The following CAMTA1 variants were observed in gnomAD, a reference collection of about 807,000 sequenced individuals.
The protein encoded by CAMTA1 is calmodulin-binding transcription activator 1.
CAMTA1 carries 27 observed loss-of-function variants against 170.9 expected under a neutral mutation model. The ratio of observed to expected loss-of-function variants is 0.16; its 90% confidence interval spans 0.12 to 0.22. The LOEUF is 0.22. CAMTA1 is among the 10% of genes least tolerant of loss of function. CAMTA1 has a pLI of 1.00. For missense variants in CAMTA1, 1,619 were observed against 2,217.2 expected, an observed-to-expected ratio of 0.73 and a Z score of 5.42; for synonymous variants, 833 against 891.5, an observed-to-expected ratio of 0.93 and a Z score of 1.17.
Position 7,235,200 on chromosome 1 carries a change from C to T in CAMTA1, c.303-14291C>T, listed in dbSNP as rs1663591274. On this transcript the variant is annotated intron_variant, in intron 4 of 22. Transcript: ENST00000303635. Reference sequence around the variant, plus strand: ...CCTTAGAGATGGAATCTAGGTGTGTCCCGACCCGCCAGGTTCTCCTCTTGC... The same window carrying T: ...CCTTAGAGATGGAATCTAGGTGTGTTCCGACCCGCCAGGTTCTCCTCTTGC... Among the ~76,000 whole-genome samples, 4 of 152,268 alleles carry T rather than the reference C, an allele frequency of 2.6e-5. No individual in the cohort carries two copies. The Middle Eastern group carries it at 0.01, about 388-fold the overall frequency.
chr1:6,946,484 A>G (rs12134815), intron 3 of CAMTA1, among the ~76,000 whole-genome samples: 80,023 of 151,996 alleles, frequency 0.53, 21,795 homozygotes, highest in Non-Finnish European at 0.61. Flanking sequence ...AAGCCATCTT[A>G]ACTAGACCTA....
At chr1:7,005,081 T>A (rs1256562598) in intron 3 of CAMTA1, among the ~76,000 whole-genome samples, 2 of 152,240 alleles carry the variant, frequency 1.3e-5, no homozygotes, top group Non-Finnish European at 2.9e-5. Context: ...CTCAAAGTTT[T>A]TTAGTTTGAA....
chr1:7,411,213 G>A (rs1225893667), intron 5 of CAMTA1, among the ~76,000 whole-genome samples: 11 of 152,110 alleles, frequency 7.2e-5, no homozygotes, highest in Admixed American at 2.0e-4. Context: ...GGGCCGCGTC[G>A]GACCCTGGGA....
chr1:7,154,071 G>T (rs563182960), intron 4 of CAMTA1, among the ~76,000 whole-genome samples: 1 of 152,204 alleles, frequency 6.6e-6, no homozygotes, highest in Non-Finnish European at 1.5e-5. Flanking sequence ...AGTGCCTGTG[G>T]CAAGCCATTG....
intron 5 of CAMTA1, among the ~76,000 whole-genome samples, chr1:7,287,898 T>G (rs918273485): frequency 6.6e-6 from 1 of 152,150 alleles, no homozygotes; most frequent in Non-Finnish European, 1.5e-5. Flanking sequence ...CATACATCAA[T>G]TTTACCTTCA....
intron 6 of CAMTA1, among the ~76,000 whole-genome samples, chr1:7,600,767 C>G (rs1180439679): frequency 6.6e-6 from 1 of 152,034 alleles, no homozygotes; most frequent in Non-Finnish European, 1.5e-5. Flanking sequence ...TGAGTGGACA[C>G]AGCACATGTT....
rs141374301 is a variant in CAMTA1 at position 7,257,409 on chromosome 1, C to T, written c.438+7783C>T. ...ACACACTGCATAACTGGCTGTCACT[C>T]CTCAGTTGCAATTTGATCCAAGAGC... On this transcript the variant is annotated intron_variant, in intron 5 of 22. Transcript: ENST00000303635. 6.0e-4 allele frequency among the ~76,000 whole-genome samples: 92 copies of T among 152,288 alleles called. 1 individual carries two copies. The highest frequency in any genetic ancestry group is 3.9e-3 in the Admixed American group (59 of 15,298).
At chr1:7,101,740 T>C (rs886931152) in intron 4 of CAMTA1, among the ~76,000 whole-genome samples, 4 of 152,184 alleles carry the variant, frequency 2.6e-5, no homozygotes, top group African/African-American at 9.7e-5. Context: ...GATACACAAC[T>C]ACACATGTAC....
intron 3 of CAMTA1, among the ~76,000 whole-genome samples, chr1:6,924,168 C>T (rs527792698): frequency 2.4e-4 from 37 of 152,300 alleles, no homozygotes; most frequent in African/African-American, 6.0e-4. Context: ...GCACTGTTCC[C>T]GGGACTGGGT....
At chr1:7,000,238 G>C (rs768816599) in intron 3 of CAMTA1, among the ~76,000 whole-genome samples, 2 of 152,176 alleles carry the variant, frequency 1.3e-5, no homozygotes, top group Non-Finnish European at 2.9e-5. Flanking sequence ...TTCACTTCCC[G>C]GTCCTGCAGC....
intron 5 of CAMTA1, among the ~76,000 whole-genome samples, chr1:7,275,864 A>G (rs1670515176): frequency 6.6e-6 from 1 of 152,162 alleles, no homozygotes; most frequent in African/African-American, 2.4e-5. Context: ...TTCAGAAAAT[A>G]TAGGATGATA....
At chr1:7,206,384 C>T (rs1233857361) in intron 4 of CAMTA1, among the ~76,000 whole-genome samples, 5 of 152,234 alleles carry the variant, frequency 3.3e-5, no homozygotes, top group South Asian at 4.1e-4. Context: ...TGCACATACC[C>T]GAATAAATTT....
rs1034179916 is a variant in CAMTA1 at position 6,891,260 on chromosome 1, C to T, written c.234+66050C>T. On this transcript the variant is annotated intron_variant, in intron 3 of 22. Transcript: ENST00000303635. ...CCTTACCTGGTTTCTTGTGCAATCC[C>T]CACTTTTATACTGTTGAGTTTCCCT... Among the ~76,000 whole-genome samples the T allele has an allele frequency of 5.3e-5, 8 of 152,110 alleles. No homozygotes were observed. In the South Asian group the frequency reaches 1.7e-3, roughly 32 times the overall value.
chr1:7,660,749 A>G (rs1249853867), intron 7 of CAMTA1, among the ~76,000 whole-genome samples: 1 of 152,138 alleles, frequency 6.6e-6, no homozygotes, highest in Non-Finnish European at 1.5e-5. Context: ...GTATCGATAA[A>G]GCCACTGACC....
chr1:7,566,655 G>C (rs2095046573), intron 6 of CAMTA1, among the ~76,000 whole-genome samples: 1 of 152,200 alleles, frequency 6.6e-6, no homozygotes, highest in Non-Finnish European at 1.5e-5. Context: ...CTGGGCCACA[G>C]AGCCCTCCAC....
At chr1:7,716,072 GC>G (rs2096607678) in intron 11 of CAMTA1, among the ~76,000 whole-genome samples, 1 of 152,132 alleles carries the variant, frequency 6.6e-6, no homozygotes, top group African/African-American at 2.4e-5. Context: ...TCACTCTGTT[GC>G]CCGGGCTGGA....
At chr1:7,690,237 T>G (rs1576903212) in intron 11 of CAMTA1, among the ~76,000 whole-genome samples, 1 of 152,100 alleles carries the variant, frequency 6.6e-6, no homozygotes, top group Admixed American at 6.5e-5. Flanking sequence ...TTTGGCGAGG[T>G]CAAGTTTTGC....
rs56904420 is a variant in CAMTA1 at position 7,594,200 on chromosome 1, G to GGGAAGGAAGGAAGGAAGGAAGGAA, written c.511-46182_511-46159dup. On this transcript the variant is annotated intron_variant, in intron 6 of 22. Coordinates refer to ENST00000303635, the MANE Select transcript of CAMTA1 (RefSeq NM_015215.4). ...AAAGAAAAGACAAGAAAGGAGGGAGGGGAAGGAAGGAAGGAAGGAAGGAAG... is the reference window on the plus strand; with the variant it reads ...AAAGAAAAGACAAGAAAGGAGGGAGGGGAAGGAAGGAAGGAAGGAAGGAAGGAAGGAAGGAAGGAAGGAAGGAAG... 4.4e-4 allele frequency among the ~76,000 whole-genome samples: 50 copies of GGGAAGGAAGGAAGGAAGGAAGGAA among 113,704 alleles called. No individual in the cohort carries two copies. In the East Asian group the frequency reaches 5.4e-3, roughly 12 times the overall value. 74.6% of individuals were successfully genotyped at this position (113,704 alleles called of 152,430 possible).
intron 3 of CAMTA1, among the ~76,000 whole-genome samples, chr1:6,949,360 G>A (rs1163279017): frequency 6.6e-6 from 1 of 152,220 alleles, no homozygotes; most frequent in Non-Finnish European, 1.5e-5. Flanking sequence ...CGCTTTGAAC[G>A]CCCTCGAGGG....
Sources: gnomAD v4.1 joint callset for allele counts (sites outside exome capture counted in the v4.1 genomes callset) on GRCh38, gnomAD v4.1.1 for gene constraint, MANE v1.5 for transcripts, NCBI Gene and HGNC (gene_info 2026-07-23, HGNC 2026-07-21) for gene names.